Variants in KIT observed in about 807,000 individuals in gnomAD.
The protein encoded by KIT is mast/stem cell growth factor receptor Kit.
A neutral mutation model predicts 105.7 loss-of-function variants in KIT; 16 were observed. The observed-to-expected ratio is 0.15, with a 90% CI of 0.10 to 0.23. KIT has a LOEUF of 0.23. Ranked by LOEUF, KIT falls within the 10% of genes least tolerant of loss-of-function variation. The pLI is 1.00. For synonymous variants in KIT, 438 were observed against 441.1 expected, an observed-to-expected ratio of 0.99 and a Z score of 0.09; for missense variants, 858 against 1,213.8, an observed-to-expected ratio of 0.71 and a Z score of 4.36.
rs1037772286 is a variant in KIT at position 54,739,950 on chromosome 4, G to C, written c.*1393G>C. Reference sequence around the variant, plus strand: ...TCCTTAGACCTTCCATAATGCTACTGTCTCACTGAAACATTTAAATTTTAC... The same window carrying C: ...TCCTTAGACCTTCCATAATGCTACTCTCTCACTGAAACATTTAAATTTTAC... On this transcript the variant is annotated 3_prime_UTR_variant, in exon 21 of 21. Coordinates refer to ENST00000288135, the MANE Select transcript of KIT (RefSeq NM_000222.3). 19 of 233,308 alleles carry C rather than the reference G, an allele frequency of 8.1e-5. No homozygotes were observed. Among genetic ancestry groups the C allele is most frequent in the African/African-American group, 3.3e-4 (15 of 45,282 alleles). 14.5% of individuals were successfully genotyped at this position (233,308 alleles called of 1,614,324 possible).
chr4:54,710,557 G>A (rs989732974), intron 7 of KIT, among the ~76,000 whole-genome samples: 3 of 150,794 alleles, frequency 2.0e-5, no homozygotes, highest in Non-Finnish European at 3.0e-5. Context: ...GTTTTTTTTT[G>A]TTTTTGAGAC....
At chr4:54,667,804 A>G (rs764836407) in intron 1 of KIT, among the ~76,000 whole-genome samples, 3 of 152,210 alleles carry the variant, frequency 2.0e-5, no homozygotes, top group Non-Finnish European at 2.9e-5. Context: ...TTAAAAATGG[A>G]AAAGTATGGA....
At chr4:54,675,829 T>C (rs1718424529) in intron 1 of KIT, among the ~76,000 whole-genome samples, 1 of 152,164 alleles carries the variant, frequency 6.6e-6, no homozygotes, top group Non-Finnish European at 1.5e-5. Flanking sequence ...GGATGTGGGC[T>C]CCGGGCTCTC....
chr4:54,729,098 A>G (rs1295366076), intron 13 of KIT, among the ~76,000 whole-genome samples: 4 of 152,188 alleles, frequency 2.6e-5, no homozygotes, highest in African/African-American at 9.7e-5. Context: ...GCTTGGCTCC[A>G]AATACTAATG....
At position 54,737,916 on chromosome 4, in the gene KIT, G is replaced by A. The variant is rs369160365; in HGVS notation, c.2803-513G>A. Among the ~76,000 whole-genome samples the A allele has an allele frequency of 3.0e-4, 45 of 152,330 alleles. No individual in the cohort carries two copies. The South Asian group carries it at 9.1e-3, about 31-fold the overall frequency. On this transcript the variant is annotated intron_variant, in intron 20 of 20. Transcript: ENST00000288135. ...TTTAAGCTGCTTTCTTTCCTGGGCT[G>A]TGTGCTTGGAGCTATCTTTTCTTTC...
chr4:54,716,465 T>C (rs1721503754), intron 7 of KIT, among the ~76,000 whole-genome samples: 1 of 152,232 alleles, frequency 6.6e-6, no homozygotes, highest in Admixed American at 6.5e-5. Flanking sequence ...TATTTACTTT[T>C]TATAGGTTAC....
At chr4:54,736,373 T>C in intron 17 of KIT, 125 bp from the exon 18 acceptor site, 1 of 771,374 alleles carries the variant, frequency 1.3e-6, no homozygotes. Context: ...AAAAGGTTTT[T>C]GTGAGATGGT....
At chr4:54,705,742 G>A (rs1490769450) in intron 5 of KIT, among the ~76,000 whole-genome samples, 1 of 152,014 alleles carries the variant, frequency 6.6e-6, no homozygotes, top group Non-Finnish European at 1.5e-5. Flanking sequence ...AATGAGCCGG[G>A]CATGGTGCCA....
At chr4:54,692,976 C>T (rs1436373873) in intron 1 of KIT, among the ~76,000 whole-genome samples, 21 of 152,158 alleles carry the variant, frequency 1.4e-4, no homozygotes, top group Admixed American at 1.4e-3. Flanking sequence ...AAACAATTTC[C>T]ACCCTCCTGT....
In KIT at chr4:54,723,696, G is replaced by C. The variant is rs542718349; in HGVS notation, c.1344G>C (p.Gln448His). The C allele has an allele frequency of 5.0e-6, 8 of 1,585,994 alleles. No individual in the cohort carries two copies. The highest frequency in any genetic ancestry group is 3.3e-5 in the Admixed American group (2 of 59,976). Reference protein sequence around the residue: ...IDWYFCPGTEQRCSASVLPVD... With the variant: ...IDWYFCPGTEHRCSASVLPVD... ...GGTATTTTTGTCCAGGAACTGAGCA[G>C]AGGTGAGATGATTATTTTTGGCACT... is the stretch of plus-strand genomic sequence containing the variant. Residue 448 changes from glutamine to histidine, a missense_variant and splice_region_variant, in exon 8 of 21, where the codon CAG becomes CAC. Physicochemically the swap from Gln to His is conservative, Grantham distance 24. Transcript: ENST00000288135.
chr4:54,732,292 G>A (rs923288321), intron 16 of KIT, among the ~76,000 whole-genome samples: 1 of 151,930 alleles, frequency 6.6e-6, no homozygotes, highest in African/African-American at 2.4e-5. Context: ...TGGCTTTTAG[G>A]ATATAGGATA....
Position 54,699,693 on chromosome 4 carries a change from A to T in KIT, c.683A>T (p.Glu228Val). ...KASYLLREGEEFTVTCTIKDV... is the reference protein window; with the variant it reads ...KASYLLREGEVFTVTCTIKDV... ...AGCTATCTTCTTAGGGAAGGGGAAG[A>T]ATTCACAGTGACGTGCACAATAAAA... is the stretch of plus-strand genomic sequence containing the variant. Residue 228 changes from glutamate to valine, a missense_variant, in exon 4 of 21, where the codon GAA (glutamate) becomes GTA (valine). Glu to Val is a moderately radical substitution (Grantham distance 121, BLOSUM62 -2). This residue lies in a region of KIT where 401 missense variants were observed against 601.0 expected (regional missense o/e 0.67). Coordinates refer to ENST00000288135, the MANE Select transcript of KIT (RefSeq NM_000222.3). 1 of 1,614,028 alleles carries T rather than the reference A, an allele frequency of 6.2e-7. No individual in the cohort carries two copies. Among genetic ancestry groups the T allele is most frequent in the South Asian group, 1.1e-5 (1 of 91,078 alleles).
At chr4:54,724,982 G>T (rs1050417310) in intron 8 of KIT, among the ~76,000 whole-genome samples, 5 of 152,272 alleles carry the variant, frequency 3.3e-5, no homozygotes, top group African/African-American at 1.2e-4. Context: ...TCGGGGTCTG[G>T]CTCATGAAAA....
At chr4:54,735,755 A>C (rs951373907) in intron 17 of KIT, among the ~76,000 whole-genome samples, 1 of 152,238 alleles carries the variant, frequency 6.6e-6, no homozygotes, top group African/African-American at 2.4e-5. Context: ...CCAGTGTATT[A>C]GAGAAAGTTT....
At chr4:54,673,886 C>T (rs1243177026) in intron 1 of KIT, among the ~76,000 whole-genome samples, 1 of 152,148 alleles carries the variant, frequency 6.6e-6, no homozygotes, top group Admixed American at 6.5e-5. Context: ...TCTCGTGCCT[C>T]AGCCTCCCGA....
At chr4:54,729,513 C>T (rs1722456109) in intron 14 of KIT, 28 bp downstream of exon 14, 2 of 1,610,152 alleles carry the variant, frequency 1.2e-6, no homozygotes, top group Non-Finnish European at 1.7e-6. Flanking sequence ...AAATAGTTAG[C>T]TGTTGACAGG....
chr4:54,715,084 C>T (rs1358095601), intron 7 of KIT, among the ~76,000 whole-genome samples: 1 of 152,086 alleles, frequency 6.6e-6, no homozygotes, highest in Non-Finnish European at 1.5e-5. Flanking sequence ...AATTAACATC[C>T]TACCTGTTGT....
chr4:54,691,038 A>C (rs1215615266), intron 1 of KIT, among the ~76,000 whole-genome samples: 1 of 151,998 alleles, frequency 6.6e-6, no homozygotes, highest in East Asian at 1.9e-4. Context: ...ATGATCTTGA[A>C]TTTAGAGGGC....
rs2237022 is a variant in KIT, at chr4:54,694,161, A to G, written c.68-1351A>G. Among the ~76,000 whole-genome samples the G allele has an allele frequency of 3.0e-4, 45 of 152,132 alleles. No homozygotes were observed. The East Asian group carries it at 6.4e-3, about 22-fold the overall frequency. ...TCACCTGTCATGTGCTCCGCAAGGT[A>G]CCCTGTTTTTTAGCCAGGCTGGTTT... On this transcript the variant is annotated intron_variant, in intron 1 of 20. Transcript: ENST00000288135.
Sources: gnomAD v4.1 joint callset for allele counts (sites outside exome capture counted in the v4.1 genomes callset) on GRCh38, gnomAD v4.1.1 for gene constraint, gnomAD v4.1.1 regional missense constraint, MANE v1.5 for transcripts, NCBI Gene and HGNC (gene_info 2026-07-23, HGNC 2026-07-21) for gene names.